The following GPC5 variants were observed in gnomAD, a reference collection of about 807,000 sequenced individuals.
GPC5 encodes glypican 5.
In GPC5, 47 loss-of-function variants were observed where a neutral mutation model predicts 53.9. The observed-to-expected ratio is 0.87, with a 90% confidence interval of 0.69 to 1.11. The LOEUF (loss-of-function observed/expected upper bound fraction) is 1.11. Among genes scored for constraint, GPC5 ranks in the 50% most tolerant of loss-of-function variants. The pLI is 0.00. For synonymous variants in GPC5, 286 were observed against 263.3 expected (o/e 1.09, Z -0.84); for missense variants, 748 against 713.1 (o/e 1.05, Z -0.56).
intron 7 of GPC5, among the ~76,000 whole-genome samples, chr13:92,589,409 C>G (rs1883646122): frequency 6.6e-6 from 1 of 152,176 alleles, no homozygotes; most frequent in Non-Finnish European, 1.5e-5. Flanking sequence ...ACAATATTCT[C>G]TAATTCACAA....
chr13:91,530,928 G>A (rs1249359112), intron 2 of GPC5, among the ~76,000 whole-genome samples: 1 of 152,156 alleles, frequency 6.6e-6, no homozygotes, highest in Non-Finnish European at 1.5e-5. Flanking sequence ...TTGAACAATA[G>A]TTCTTTGGTA....
At chr13:92,001,455 T>A (rs2040553180) in intron 6 of GPC5, among the ~76,000 whole-genome samples, 1 of 152,158 alleles carries the variant, frequency 6.6e-6, no homozygotes, top group African/African-American at 2.4e-5. Context: ...ATTAAAAAAA[T>A]ACTATTGTTC....
chr13:91,804,986 G>C (rs561655728), intron 5 of GPC5, among the ~76,000 whole-genome samples: 11 of 152,242 alleles, frequency 7.2e-5, no homozygotes, highest in Non-Finnish European at 1.3e-4. Context: ...GCTGAGTTCT[G>C]GTTCATTGTG....
chr13:92,026,159 C>T (rs971281619), intron 6 of GPC5, among the ~76,000 whole-genome samples: 1 of 151,930 alleles, frequency 6.6e-6, no homozygotes, highest in Admixed American at 6.6e-5. Flanking sequence ...TGTTCTAAAT[C>T]CTTGTTTTTC....
intron 3 of GPC5, among the ~76,000 whole-genome samples, chr13:91,715,426 C>T (rs2036315507): frequency 6.6e-6 from 1 of 152,056 alleles, no homozygotes; most frequent in Non-Finnish European, 1.5e-5. Flanking sequence ...AAATACATGA[C>T]ATTTAAGTGA....
intron 7 of GPC5, among the ~76,000 whole-genome samples, chr13:92,587,062 C>T (rs1883561124): frequency 6.6e-6 from 1 of 152,128 alleles, no homozygotes; most frequent in African/African-American, 2.4e-5. Flanking sequence ...ACATCTCCAT[C>T]AGCATCTCCT....
intron 7 of GPC5, among the ~76,000 whole-genome samples, chr13:92,610,531 C>G (rs1225097491): frequency 6.6e-6 from 1 of 152,184 alleles, no homozygotes; most frequent in Non-Finnish European, 1.5e-5. Context: ...CTTATGCACA[C>G]TTCACTTTCA....
chr13:92,747,744 T>C (rs561292296), intron 7 of GPC5, among the ~76,000 whole-genome samples: 12 of 152,314 alleles, frequency 7.9e-5, no homozygotes, highest in Non-Finnish European at 1.3e-4. Flanking sequence ...CCTGATTAAA[T>C]TGATGCTTCT....
intron 6 of GPC5, among the ~76,000 whole-genome samples, chr13:91,970,284 G>GTGGGGAA (rs1038359926): frequency 3.3e-5 from 5 of 152,144 alleles, no homozygotes; most frequent in African/African-American, 1.2e-4. Context: ...GGATGGAAGA[G>GTGGGGAA]TGGGGAATGG....
At position 91,835,196 on chromosome 13, in the gene GPC5, A is replaced by T. The variant is rs190588329; in HGVS notation, c.1281-72741A>T. On this transcript the variant is annotated intron_variant, in intron 5 of 7. Coordinates refer to ENST00000377067, the MANE Select transcript of GPC5 (RefSeq NM_004466.6). ...CAAAACCACAATGAGAAACCATCTC[A>T]TGCCAGTTGGAATGGCAATCATTAA... 3.2e-4 allele frequency among the ~76,000 whole-genome samples: 49 copies of T among 152,354 alleles called. No individual in the cohort carries two copies. In the East Asian group the frequency reaches 5.8e-3, roughly 18 times the overall value.
intron 2 of GPC5, among the ~76,000 whole-genome samples, chr13:91,634,122 C>T (rs187594329): frequency 1.2e-4 from 18 of 152,008 alleles, no homozygotes; most frequent in Admixed American, 1.2e-3. Flanking sequence ...CTTTGAGAAT[C>T]CTGATATTTC....
intron 1 of GPC5, among the ~76,000 whole-genome samples, chr13:91,422,150 C>A (rs901045080): frequency 6.6e-6 from 1 of 152,174 alleles, no homozygotes; most frequent in Non-Finnish European, 1.5e-5. Flanking sequence ...AATAGAAAAC[C>A]TACAAATTCT....
chr13:91,497,122 T>C (rs1884313752), intron 2 of GPC5, among the ~76,000 whole-genome samples: 1 of 152,114 alleles, frequency 6.6e-6, no homozygotes, highest in African/African-American at 2.4e-5. Flanking sequence ...TATGGAACAA[T>C]GCTTGTTTTT....
intron 6 of GPC5, among the ~76,000 whole-genome samples, chr13:92,030,747 G>C (rs776541010): frequency 1.3e-5 from 2 of 152,178 alleles, no homozygotes; most frequent in Admixed American, 6.5e-5. Context: ...GCGCACTGGC[G>C]TAGAGCCTCA....
intron 6 of GPC5, among the ~76,000 whole-genome samples, chr13:91,946,910 T>C (rs1284361578): frequency 6.6e-6 from 1 of 152,026 alleles, no homozygotes; most frequent in Non-Finnish European, 1.5e-5. Flanking sequence ...TTTTTCAGAG[T>C]GTATTCTGCA....
intron 7 of GPC5, chr13:92,658,924 G>GTTTTTTTTTTTTTTTTTTTTTTTTTTTT (rs71123426): frequency 1.2e-5 from 1 of 85,594 alleles, no homozygotes; most frequent in Non-Finnish European, 2.2e-5. Context: ...TATATGTTTT[G>GTTTTTTTTTTTTTTTTTTTTTTTTTTTT]TTTTTTTTTT....
chr13:92,347,864 T>TATTATATATAATATAATATA (rs1491202059), intron 7 of GPC5, among the ~76,000 whole-genome samples: 1 of 8,482 alleles, frequency 1.2e-4, no homozygotes, highest in Non-Finnish European at 1.8e-4. Context: ...CATATATATA[T>TATTATATATAATATAATATA]TATATATATA....
At position 92,383,415 on chromosome 13, in the gene GPC5, G is replaced by A. The variant is rs541792091; in HGVS notation, c.1561+238426G>A. 1.6e-4 allele frequency among the ~76,000 whole-genome samples: 24 copies of A among 152,242 alleles called. No individual in the cohort carries two copies. The East Asian group carries it at 4.6e-3, about 29-fold the overall frequency. ...ATACATTTGTCTTGTCTTTAGTGCTGTTGTTCACATAATTGTATAACATTA... is the reference window on the plus strand; with the variant it reads ...ATACATTTGTCTTGTCTTTAGTGCTATTGTTCACATAATTGTATAACATTA... On this transcript the variant is annotated intron_variant, in intron 7 of 7. Transcript: ENST00000377067.
chr13:92,473,848 A>C (rs893289138), intron 7 of GPC5, among the ~76,000 whole-genome samples: 10 of 152,116 alleles, frequency 6.6e-5, no homozygotes, highest in Non-Finnish European at 1.2e-4. Context: ...AAATTTTAAC[A>C]TGAGATATTT....
Sources: gnomAD v4.1 joint callset for allele counts (sites outside exome capture counted in the v4.1 genomes callset) on GRCh38, gnomAD v4.1.1 for gene constraint, MANE v1.5 for transcripts, NCBI Gene and HGNC (gene_info 2026-07-23, HGNC 2026-07-21) for gene names.